NRG1: variants seen among roughly 807,000 people sequenced by gnomAD.
NRG1 encodes the protein pro-neuregulin-1, membrane-bound isoform.
In NRG1, 18 loss-of-function variants were observed where a neutral mutation model predicts 63.8. The observed-to-expected ratio is 0.28, with a 90% CI of 0.19 to 0.42. The LOEUF is 0.42. NRG1 is among the 10% of genes least tolerant of loss of function. The pLI is 1.00. For synonymous variants in NRG1, 302 were observed against 301.3 expected (o/e 1.00, Z -0.02); for missense variants, 762 against 814.7 (o/e 0.94, Z 0.79).
chr8:32,417,527 T>G (rs1006150275), intron 1 of NRG1, among the ~76,000 whole-genome samples: 2 of 152,154 alleles, frequency 1.3e-5, no homozygotes, highest in African/African-American at 4.8e-5. Context: ...CATGACAATA[T>G]TCACAGATAT....
intron 1 of NRG1, among the ~76,000 whole-genome samples, chr8:32,417,337 T>C (rs1201088805): frequency 6.6e-6 from 1 of 152,208 alleles, no homozygotes; most frequent in Non-Finnish European, 1.5e-5. Context: ...AGTGGAATTT[T>C]GAACTCTCCC....
exon 12 of NRG1, chr8:32,764,006 T>G (rs762219766): frequency 7.4e-6 from 12 of 1,613,902 alleles, no homozygotes; most frequent in Non-Finnish European, 9.3e-6. Context: ...CGCATGACAG[T>G]AACAGCCTCC....
At chr8:32,129,950 C>T (rs1834589094) in intron 1 of NRG1, among the ~76,000 whole-genome samples, 1 of 151,924 alleles carries the variant, frequency 6.6e-6, no homozygotes. Context: ...GAAATTACTG[C>T]TTTGCTAGCT....
intron 1 of NRG1, among the ~76,000 whole-genome samples, chr8:31,848,713 G>T (rs1826924166): frequency 6.6e-6 from 1 of 152,124 alleles, no homozygotes; most frequent in African/African-American, 2.4e-5. Flanking sequence ...ACATGCAAGG[G>T]ATCTAGGTTG....
chr8:32,104,141 A>G (rs968740436), intron 1 of NRG1, among the ~76,000 whole-genome samples: 1 of 152,202 alleles, frequency 6.6e-6, no homozygotes, highest in African/African-American at 2.4e-5. Context: ...ATGGCAAAAC[A>G]TACTACAGAC....
chr8:31,769,389 A>C (rs929322891), intron 1 of NRG1, among the ~76,000 whole-genome samples: 47 of 152,148 alleles, frequency 3.1e-4, no homozygotes, highest in African/African-American at 1.1e-3. Flanking sequence ...CCAGAAAGAC[A>C]GTTTTCAAGA....
At chr8:32,764,457 A>T in exon 12 of NRG1, 6 of 1,343,002 alleles carry the variant, frequency 4.5e-6, no homozygotes, top group Non-Finnish European at 4.9e-6. Context: ...ATAATAAAGT[A>T]TTCCACCTTA....
In NRG1 at chr8:32,736,654, G is replaced by A. The variant is rs144481227; in HGVS notation, c.633-6021G>A. ...TTTTCGACAAGGTATTTTTTAAATT[G>A]TCCAAATATTTCACTGTGGAATGAT... On this transcript the variant is annotated intron_variant, in intron 6 of 11. Transcript: ENST00000356819. 4.9e-3 allele frequency among the ~76,000 whole-genome samples: 740 copies of A among 152,234 alleles called. 2 individuals are homozygous for A. Among genetic ancestry groups the A allele is most frequent in the Non-Finnish European group, 7.5e-3 (509 of 68,010 alleles).
At chr8:31,900,945 T>C (rs1832025610) in intron 1 of NRG1, among the ~76,000 whole-genome samples, 1 of 152,196 alleles carries the variant, frequency 6.6e-6, no homozygotes, top group South Asian at 2.1e-4. Flanking sequence ...CAGTAAATGG[T>C]TTTGGGAGAC....
chr8:31,712,451 G>A (rs779848611), intron 1 of NRG1, among the ~76,000 whole-genome samples: 34 of 151,770 alleles, frequency 2.2e-4, no homozygotes, highest in Admixed American at 1.8e-3. Context: ...TGTATTTTTA[G>A]TAGAGAAGGG....
chr8:31,852,136 G>T (rs1158222638), intron 1 of NRG1, among the ~76,000 whole-genome samples: 3 of 152,038 alleles, frequency 2.0e-5, no homozygotes, highest in African/African-American at 7.2e-5. Context: ...TAATGGGATG[G>T]CTGGGTCAAA....
intron 1 of NRG1, among the ~76,000 whole-genome samples, chr8:32,008,371 A>G (rs1814137760): frequency 6.6e-6 from 1 of 152,002 alleles, no homozygotes; most frequent in South Asian, 2.1e-4. Context: ...CAGGAGTTTC[A>G]AACAAGTTTA....
At chr8:32,113,378 G>A (rs1159866414) in intron 1 of NRG1, among the ~76,000 whole-genome samples, 1 of 152,146 alleles carries the variant, frequency 6.6e-6, no homozygotes, top group Non-Finnish European at 1.5e-5. Context: ...ACCTAGGACA[G>A]CCCACCTTCT....
At chr8:31,641,334 G>GTT (rs34431458) in intron 1 of NRG1, among the ~76,000 whole-genome samples, 24 of 148,476 alleles carry the variant, frequency 1.6e-4, no homozygotes, top group East Asian at 5.9e-4. Context: ...ATTGGTGGGG[G>GTT]TTTTTTTTTT....
intron 1 of NRG1, among the ~76,000 whole-genome samples, chr8:31,748,742 C>A (rs1158363102): frequency 6.6e-6 from 1 of 151,784 alleles, no homozygotes; most frequent in Non-Finnish European, 1.5e-5. Flanking sequence ...CTCTCCCTCT[C>A]TCAATTTTTG....
intron 5 of NRG1, among the ~76,000 whole-genome samples, chr8:32,685,715 A>G (rs1189017586): frequency 6.6e-6 from 1 of 152,200 alleles, no homozygotes; most frequent in Non-Finnish European, 1.5e-5. Context: ...CTGATGACGC[A>G]TAAGAGTAGA....
At chr8:32,262,336 G>T (rs1044940940) in intron 1 of NRG1, among the ~76,000 whole-genome samples, 1 of 152,094 alleles carries the variant, frequency 6.6e-6, no homozygotes, top group Non-Finnish European at 1.5e-5. Flanking sequence ...TGTATAGTGG[G>T]TACAGAAGAA....
At chr8:32,148,460 G>A (rs932657568) in intron 1 of NRG1, among the ~76,000 whole-genome samples, 7 of 152,138 alleles carry the variant, frequency 4.6e-5, no homozygotes, top group Admixed American at 1.3e-4. Context: ...GTGCAGTGGC[G>A]CGATCTCGGC....
chr8:32,742,838 G>A lies in NRG1; in HGVS notation c.691+105G>A, dbSNP rs761884827. 2 of 1,606,892 alleles carry A rather than the reference G, an allele frequency of 1.2e-6. No homozygotes were observed. The highest frequency in any genetic ancestry group is 1.7e-6 in the Non-Finnish European group (2 of 1,175,352). On this transcript the variant is annotated intron_variant, in intron 7 of 11. Coordinates refer to ENST00000356819, the Ensembl canonical transcript of NRG1. The surrounding 1 kb of genome is among the most constrained non-coding windows in gnomAD (Gnocchi z 4.2). Reference sequence around the variant, plus strand: ...TCAGATTCCACCTAGAGCTAGATGTGTCTTACCAGATCTAATATTGACTGC... The same window carrying A: ...TCAGATTCCACCTAGAGCTAGATGTATCTTACCAGATCTAATATTGACTGC...
Sources: gnomAD v4.1 joint callset for allele counts (sites outside exome capture counted in the v4.1 genomes callset) on GRCh38, gnomAD v4.1.1 for gene constraint, Gnocchi (gnomAD v3.1) non-coding constraint, MANE v1.5 for transcripts, NCBI Gene and HGNC (gene_info 2026-07-23, HGNC 2026-07-21) for gene names.